DHRS9: variants seen among roughly 807,000 people sequenced by gnomAD.
DHRS9 encodes dehydrogenase/reductase SDR family member 9.
A neutral mutation model predicts 26.6 loss-of-function variants in DHRS9; 18 were observed. That is an observed-to-expected ratio of 0.68 (90% CI 0.47 to 1.00). The LOEUF is 1.00. DHRS9 is among the 50% of genes least tolerant of loss of function. The pLI, the probability that DHRS9 is intolerant of heterozygous loss-of-function variation, is 0.00. For missense variants in DHRS9, 425 were observed against 378.7 expected (o/e 1.12, Z -1.01); for synonymous variants, 134 against 141.1 (o/e 0.95, Z 0.36).
chr2:169,083,712 G>C, intron 3 of DHRS9, 125 bp downstream of exon 3: 1 of 1,095,068 alleles, frequency 9.1e-7, no homozygotes, highest in East Asian at 2.6e-5. Context: ...ATTTTTGTGG[G>C]TACATAGTAG....
chr2:169,091,200 T>G (rs1367267944), intron 3 of DHRS9, among the ~76,000 whole-genome samples: 1 of 151,392 alleles, frequency 6.6e-6, no homozygotes, highest in Non-Finnish European at 1.5e-5. Flanking sequence ...ATGAGTAGGC[T>G]TTTAGTTTTC....
intron 1 of DHRS9, among the ~76,000 whole-genome samples, chr2:169,073,714 G>C (rs74955581): frequency 6.1e-4 from 93 of 152,194 alleles, no homozygotes; most frequent in African/African-American, 2.1e-3. Context: ...GGAAATTAAT[G>C]CTTGCAGCAG....
chr2:169,085,360 C>A (rs1343087157), intron 3 of DHRS9, among the ~76,000 whole-genome samples: 1 of 151,996 alleles, frequency 6.6e-6, no homozygotes, highest in African/African-American at 2.4e-5. Context: ...TTTTCTATTT[C>A]TGTAAAGAAT....
At chr2:169,070,580 CA>C (rs2105276408) in intron 1 of DHRS9, 1 of 984,858 alleles carries the variant, frequency 1.0e-6, no homozygotes, top group South Asian at 4.7e-5. Flanking sequence ...TGCATCAAAT[CA>C]AAGTTAAATG....
chr2:169,070,622 T>C (rs571441932), intron 1 of DHRS9: 25 of 984,722 alleles, frequency 2.5e-5, no homozygotes, highest in Non-Finnish European at 3.0e-5. Context: ...ATTTTTAATA[T>C]TCAAAGAGGG....
At chr2:169,069,981 A>T in intron 1 of DHRS9, 1 of 711,138 alleles carries the variant, frequency 1.4e-6, no homozygotes, top group Non-Finnish European at 1.7e-6. Context: ...TAGTGTCCCA[A>T]TTCAATTCAT....
upstream of DHRS9, among the ~76,000 whole-genome samples, chr2:169,068,632 T>A (rs1052600111): frequency 2.6e-5 from 4 of 152,180 alleles, no homozygotes; most frequent in African/African-American, 9.6e-5. Context: ...ACTACTTATT[T>A]TAAAGGGTGA....
Position 169,096,162 on chromosome 2 carries a change from A to G in DHRS9, c.*395A>G, listed in dbSNP as rs1278341694. 6 of 219,872 alleles carry G rather than the reference A, an allele frequency of 2.7e-5. No homozygotes were observed. The highest frequency in any genetic ancestry group is 4.6e-5 in the Non-Finnish European group (5 of 108,788). 13.6% of individuals were successfully genotyped at this position (219,872 alleles called of 1,614,324 possible). ...TATCTAAATATTAAAAGATAAGTCAAACATTTTCATGAGTGGATAGACATG... is the reference window on the plus strand; with the variant it reads ...TATCTAAATATTAAAAGATAAGTCAGACATTTTCATGAGTGGATAGACATG... On this transcript the variant is annotated 3_prime_UTR_variant, in exon 5 of 5. Coordinates refer to ENST00000674881, the MANE Select transcript of DHRS9 (RefSeq NM_001376924.1).
At chr2:169,085,494 C>G (rs73026871) in intron 3 of DHRS9, among the ~76,000 whole-genome samples, 2,296 of 151,974 alleles carry the variant, frequency 0.015, 64 homozygotes, top group African/African-American at 0.052. Flanking sequence ...TTTGTATCCT[C>G]TTCAATTTCT....
At chr2:169,074,393 T>A (rs1035787407) in intron 1 of DHRS9, 3 of 985,304 alleles carry the variant, frequency 3.0e-6, no homozygotes, top group Middle Eastern at 5.2e-4. Flanking sequence ...CCAAGAGATT[T>A]ACGCCCTATT....
chr2:169,079,037 T>C (rs1269995177), intron 1 of DHRS9, among the ~76,000 whole-genome samples: 1 of 151,786 alleles, frequency 6.6e-6, no homozygotes, highest in Non-Finnish European at 1.5e-5. Flanking sequence ...TTAGTAGAGA[T>C]GGGGTTTCAC....
At chr2:169,073,892 G>A (rs1170025400) in intron 1 of DHRS9, among the ~76,000 whole-genome samples, 2 of 152,092 alleles carry the variant, frequency 1.3e-5, no homozygotes, top group Non-Finnish European at 2.9e-5. Context: ...TAGAACAGTG[G>A]TTCTAAACTG....
At position 169,083,663 on chromosome 2, in the gene DHRS9, AT is replaced by A. The variant is rs1257680962; in HGVS notation, c.572+79del. ...TGAATGCTTATGTACAAGACATCCT[AT>A]TTAGTACCTTTCAAAAAGTCTACCA... On this transcript the variant is annotated intron_variant, in intron 3 of 4. Transcript: ENST00000674881. The A allele has an allele frequency of 3.3e-6, 5 of 1,507,068 alleles. No homozygotes were observed. In the Admixed American group the frequency reaches 6.1e-5, roughly 18 times the overall value. 93.4% of individuals were successfully genotyped at this position (1,507,068 alleles called of 1,614,324 possible). A position where few individuals can be genotyped will look rare whatever the true frequency, so the allele number is the denominator to read the frequency against.
At chr2:169,083,274 A>G in intron 2 of DHRS9, 55 bp from the exon 3 acceptor site, 1 of 1,578,870 alleles carries the variant, frequency 6.3e-7, no homozygotes. Flanking sequence ...TTTTCATCAA[A>G]GGTGGCAAAT....
chr2:169,095,817 A>C lies in DHRS9; in HGVS notation c.*50A>C, dbSNP rs148736857. The C allele has an allele frequency of 1.6e-3, 2,393 of 1,517,148 alleles. 36 individuals are homozygous for C. The South Asian group carries it at 0.02, about 12-fold the overall frequency. The allele number at this position is 1,517,148 out of a possible 1,614,324, so 94.0% of individuals were successfully genotyped here. ...CCAGGCTATGAAATTGGCCGATTTCAAGAACACATCTCCTTTTCAACCCCA... is the reference window on the plus strand; with the variant it reads ...CCAGGCTATGAAATTGGCCGATTTCCAGAACACATCTCCTTTTCAACCCCA... On this transcript the variant is annotated 3_prime_UTR_variant, in exon 5 of 5. Transcript: ENST00000674881.
intron 1 of DHRS9, among the ~76,000 whole-genome samples, chr2:169,076,374 C>T (rs545003340): frequency 1.3e-5 from 2 of 152,172 alleles, no homozygotes; most frequent in Non-Finnish European, 2.9e-5. Context: ...TTTGTACATT[C>T]GCCTCCAAGC....
At chr2:169,083,634 T>C in intron 3 of DHRS9, 47 bp downstream of exon 3, 1 of 1,596,108 alleles carries the variant, frequency 6.3e-7, no homozygotes, top group South Asian at 1.1e-5. Context: ...CTGCAAACGT[T>C]TACTGAATGC....
At chr2:169,090,464 A>T (rs770452469) in intron 3 of DHRS9, among the ~76,000 whole-genome samples, 6 of 152,210 alleles carry the variant, frequency 3.9e-5, no homozygotes, top group Non-Finnish European at 8.8e-5. Context: ...TTTTAGTACA[A>T]GTCATATACC....
intron 4 of DHRS9, among the ~76,000 whole-genome samples, chr2:169,092,637 A>C (rs1684566694): frequency 6.6e-6 from 1 of 152,234 alleles, no homozygotes; most frequent in Non-Finnish European, 1.5e-5. Context: ...GGTTTGAATA[A>C]GAGGAAAGGA....
Sources: gnomAD v4.1 joint callset for allele counts (sites outside exome capture counted in the v4.1 genomes callset) on GRCh38, gnomAD v4.1.1 for gene constraint, MANE v1.5 for transcripts, NCBI Gene and HGNC (gene_info 2026-07-23, HGNC 2026-07-21) for gene names.